Variants in MYO1B observed in about 807,000 individuals in gnomAD.
MYO1B encodes the protein myosin IB.
In MYO1B, 72 loss-of-function variants were observed where a neutral mutation model predicts 159.7. That is an observed-to-expected ratio of 0.45 (90% CI 0.37 to 0.55). The LOEUF is 0.55. Ranked by LOEUF, MYO1B falls within the 20% of genes least tolerant of loss-of-function variation. MYO1B has a pLI of 0.00. For missense variants in MYO1B, 1,062 were observed against 1,364.8 expected, an observed-to-expected ratio of 0.78 and a Z score of 3.50; for synonymous variants, 468 against 473.8, an observed-to-expected ratio of 0.99 and a Z score of 0.16.
intron 3 of MYO1B, among the ~76,000 whole-genome samples, chr2:191,299,419 C>T (rs767772321): frequency 2.2e-4 from 33 of 152,156 alleles, no homozygotes; most frequent in Non-Finnish European, 4.4e-4. Flanking sequence ...TCAGTCCTCA[C>T]CCCACCCTCA....
At chr2:191,251,015 C>G (rs947007134) in intron 1 of MYO1B, among the ~76,000 whole-genome samples, 1 of 152,290 alleles carries the variant, frequency 6.6e-6, no homozygotes, top group Non-Finnish European at 1.5e-5. Context: ...GTGTCCTTGG[C>G]TGGTCCAAAG....
chr2:191,418,169 C>A (rs751269531), intron 30 of MYO1B, among the ~76,000 whole-genome samples: 1 of 152,186 alleles, frequency 6.6e-6, no homozygotes, highest in African/African-American at 2.4e-5. Context: ...CCAGGTGGCA[C>A]AGGAAGCCTG....
chr2:191,346,121 T>C (rs1228863339), intron 5 of MYO1B, 115 bp from the exon 6 acceptor site: 7 of 814,768 alleles, frequency 8.6e-6, no homozygotes, highest in Non-Finnish European at 1.1e-5. Context: ...AGAAATATCA[T>C]TGCTACAAGT....
At chr2:191,341,423 C>T in intron 4 of MYO1B, 38 bp from the exon 5 acceptor site, 2 of 1,560,302 alleles carry the variant, frequency 1.3e-6, no homozygotes, top group South Asian at 2.3e-5. Flanking sequence ...TTTTAAATTT[C>T]TGTGTTATTG....
intron 30 of MYO1B, among the ~76,000 whole-genome samples, chr2:191,422,412 CTG>C (rs1444453837): frequency 6.6e-6 from 1 of 152,110 alleles, no homozygotes; most frequent in African/African-American, 2.4e-5. Context: ...GAAGAACCCT[CTG>C]TGGATGCTCA....
intron 7 of MYO1B, among the ~76,000 whole-genome samples, chr2:191,360,318 G>A (rs1476083919): frequency 6.6e-6 from 1 of 152,212 alleles, no homozygotes. Flanking sequence ...CATTTGTAAC[G>A]TCACATTTTC....
chr2:191,253,467 A>G (rs1183219063), intron 1 of MYO1B, among the ~76,000 whole-genome samples: 1 of 151,780 alleles, frequency 6.6e-6, no homozygotes, highest in Non-Finnish European at 1.5e-5. Context: ...CCTCTCCCCT[A>G]TCACACTGGC....
chr2:191,349,444 C>T (rs1018655609), intron 6 of MYO1B, among the ~76,000 whole-genome samples: 4 of 152,202 alleles, frequency 2.6e-5, no homozygotes, highest in African/African-American at 9.7e-5. Flanking sequence ...TCAACACACA[C>T]TTTTCCAAAC....
chr2:191,286,764 C>T (rs1375510952), intron 2 of MYO1B, among the ~76,000 whole-genome samples: 1 of 152,064 alleles, frequency 6.6e-6, no homozygotes, highest in African/African-American at 2.4e-5. Flanking sequence ...GAAACCCCGT[C>T]TCTACCAAAA....
At chr2:191,310,912 A>C (rs181606258) in intron 3 of MYO1B, among the ~76,000 whole-genome samples, 1 of 152,358 alleles carries the variant, frequency 6.6e-6, no homozygotes, top group Non-Finnish European at 1.5e-5. Context: ...GAAATGATAT[A>C]AGTGTAAACA....
chr2:191,377,435 T>G (rs2126060307), intron 13 of MYO1B: 1 of 152,322 alleles, frequency 6.6e-6, no homozygotes, highest in African/African-American at 2.4e-5. Context: ...CCTGCCCACT[T>G]CCTCTTCTGG....
chr2:191,423,511 A>G (rs908999028), intron 30 of MYO1B, among the ~76,000 whole-genome samples: 3 of 152,198 alleles, frequency 2.0e-5, no homozygotes, highest in African/African-American at 7.2e-5. Flanking sequence ...TCACTAAGCC[A>G]TAGGAATTTT....
chr2:191,253,443 T>TC (rs1017895243), intron 1 of MYO1B, among the ~76,000 whole-genome samples: 7 of 152,074 alleles, frequency 4.6e-5, no homozygotes, highest in Admixed American at 2.6e-4. Context: ...GATCGTTCCT[T>TC]CCCCCCAGAA....
intron 23 of MYO1B, chr2:191,402,396 C>T: frequency 1.9e-6 from 1 of 521,818 alleles, no homozygotes; most frequent in South Asian, 2.2e-5. Context: ...AAATGATTAC[C>T]TTGGGAACCA....
At chr2:191,364,314 A>G in intron 11 of MYO1B, 38 bp downstream of exon 11, 1 of 1,489,330 alleles carries the variant, frequency 6.7e-7, no homozygotes, top group Non-Finnish European at 9.4e-7. Context: ...AGTTTCTTAA[A>G]AGTCTGTGCT....
intron 2 of MYO1B, among the ~76,000 whole-genome samples, chr2:191,292,655 C>T (rs990568839): frequency 6.6e-6 from 1 of 150,478 alleles, no homozygotes; most frequent in East Asian, 1.9e-4. Flanking sequence ...GAGGCATGTT[C>T]GACCCCCACT....
intron 1 of MYO1B, among the ~76,000 whole-genome samples, chr2:191,262,562 A>G (rs1406962170): frequency 1.3e-5 from 2 of 152,100 alleles, no homozygotes; most frequent in Admixed American, 1.3e-4. Flanking sequence ...TTGATGTGTG[A>G]CATAAGTAAT....
intron 6 of MYO1B, among the ~76,000 whole-genome samples, chr2:191,349,704 GAT>G (rs1225080917): frequency 2.0e-5 from 3 of 152,152 alleles, no homozygotes; most frequent in African/African-American, 7.2e-5. Flanking sequence ...GATTTGAGTA[GAT>G]ATAAAAACAG....
intron 6 of MYO1B, among the ~76,000 whole-genome samples, chr2:191,348,172 A>G (rs1410641103): frequency 1.3e-5 from 2 of 152,182 alleles, no homozygotes; most frequent in Non-Finnish European, 1.5e-5. Flanking sequence ...CTGAATTCTC[A>G]GGGCTGGCCA....
Sources: gnomAD v4.1 joint callset for allele counts (sites outside exome capture counted in the v4.1 genomes callset) on GRCh38, gnomAD v4.1.1 for gene constraint, MANE v1.5 for transcripts, NCBI Gene and HGNC (gene_info 2026-07-23, HGNC 2026-07-21) for gene names.